The following XXYLT1 variants were observed in gnomAD, a reference collection of about 807,000 sequenced individuals.
XXYLT1 encodes UDP-xylose:alpha-xyloside alpha-1,3-xylosyltransferase.
A neutral mutation model predicts 28.9 loss-of-function variants in XXYLT1; 20 were observed. The ratio of observed to expected loss-of-function variants is 0.69; its 90% CI spans 0.49 to 1.00. The LOEUF is 1.00. Ranked by LOEUF, XXYLT1 falls within the 50% of genes least tolerant of loss-of-function variation. The pLI is 0.00. For missense variants in XXYLT1, 542 were observed against 560.1 expected, an observed-to-expected ratio of 0.97 and a Z score of 0.33; for synonymous variants, 257 against 253.8, an observed-to-expected ratio of 1.01 and a Z score of -0.12.
intron 1 of XXYLT1, among the ~76,000 whole-genome samples, chr3:195,243,829 T>C (rs541751267): frequency 5.3e-5 from 8 of 152,344 alleles, no homozygotes; most frequent in Admixed American, 2.0e-4. Context: ...CCCTCCCTCA[T>C]GTGACGATTA....
chr3:195,155,669 C>A (rs34207090), intron 3 of XXYLT1, among the ~76,000 whole-genome samples: 2 of 151,282 alleles, frequency 1.3e-5, no homozygotes, highest in African/African-American at 4.9e-5. Context: ...CCCCCACCGC[C>A]TGCCACGCCG....
intron 2 of XXYLT1, among the ~76,000 whole-genome samples, chr3:195,159,426 G>A (rs1247272987): frequency 6.6e-6 from 1 of 152,104 alleles, no homozygotes. Context: ...GTGTTTATTA[G>A]CCCCGTCACC....
intron 3 of XXYLT1, among the ~76,000 whole-genome samples, chr3:195,079,586 A>G (rs1715312835): frequency 6.6e-6 from 1 of 152,140 alleles, no homozygotes; most frequent in African/African-American, 2.4e-5. Flanking sequence ...CATGTTCTAG[A>G]TGAGGAAGCT....
At chr3:195,091,471 TCAA>T (rs1405949666) in intron 3 of XXYLT1, among the ~76,000 whole-genome samples, 1 of 88,538 alleles carries the variant, frequency 1.1e-5, no homozygotes, top group Non-Finnish European at 2.0e-5. Flanking sequence ...TTGACAAAAT[TCAA>T]CAACCCTTCA....
intron 3 of XXYLT1, among the ~76,000 whole-genome samples, chr3:195,153,427 C>T (rs1446160675): frequency 6.6e-6 from 1 of 152,126 alleles, no homozygotes; most frequent in Non-Finnish European, 1.5e-5. Context: ...TATTAAAGGT[C>T]TCTGGAAACA....
intron 3 of XXYLT1, among the ~76,000 whole-genome samples, chr3:195,151,881 G>A (rs1048819130): frequency 6.6e-6 from 1 of 151,678 alleles, no homozygotes; most frequent in Non-Finnish European, 1.5e-5. Context: ...TGAAGATTAA[G>A]GGAGGGAGGG....
At chr3:195,178,793 A>G (rs916318432) in intron 2 of XXYLT1, among the ~76,000 whole-genome samples, 1 of 152,254 alleles carries the variant, frequency 6.6e-6, no homozygotes, top group Non-Finnish European at 1.5e-5. Context: ...CACATGGGGA[A>G]GCCGGGACTG....
At chr3:195,113,489 G>C (rs1185346676) in intron 3 of XXYLT1, among the ~76,000 whole-genome samples, 1 of 152,196 alleles carries the variant, frequency 6.6e-6, no homozygotes, top group Admixed American at 6.5e-5. Flanking sequence ...GAGGCACAAA[G>C]CGGTTTACTG....
chr3:195,208,502 G>A (rs1384609275), intron 2 of XXYLT1, among the ~76,000 whole-genome samples: 5 of 152,058 alleles, frequency 3.3e-5, no homozygotes, highest in African/African-American at 7.2e-5. Flanking sequence ...AATGAACAAC[G>A]TATGACCTGC....
At chr3:195,259,129 GC>G (rs1188785355) in intron 1 of XXYLT1, among the ~76,000 whole-genome samples, 1 of 152,238 alleles carries the variant, frequency 6.6e-6, no homozygotes, top group Non-Finnish European at 1.5e-5. Flanking sequence ...CTATCCCCAG[GC>G]CTGCCTGAGC....
Position 195,233,004 on chromosome 3 carries a change from G to A in XXYLT1, c.505-6148C>T, listed in dbSNP as rs184502068. Among the ~76,000 whole-genome samples the A allele has an allele frequency of 8.5e-5, 13 of 152,206 alleles. No individual in the cohort carries two copies. In the East Asian group the frequency reaches 2.1e-3, roughly 25 times the overall value. On this transcript the variant is annotated intron_variant, in intron 1 of 3. Transcript: ENST00000310380. Reference sequence around the variant, plus strand: ...TGAGGTCTCCAGCTATCATTGTATTGGGGTCTATCTCCATCTTTCACTCTG... The same window carrying A: ...TGAGGTCTCCAGCTATCATTGTATTAGGGTCTATCTCCATCTTTCACTCTG...
At chr3:195,251,310 A>G (rs1725243142) in intron 1 of XXYLT1, among the ~76,000 whole-genome samples, 1 of 152,254 alleles carries the variant, frequency 6.6e-6, no homozygotes, top group Admixed American at 6.5e-5. Flanking sequence ...CGGTCACCCA[A>G]ATCACTCATG....
At position 195,150,562 on chromosome 3, in the gene XXYLT1, C is replaced by T. The variant is rs996645549; in HGVS notation, c.785+5887G>A. Among the ~76,000 whole-genome samples the T allele has an allele frequency of 1.1e-4, 17 of 152,274 alleles. No individual in the cohort carries two copies. Among genetic ancestry groups the T allele is most frequent in the Middle Eastern group, 3.4e-3 (1 of 294 alleles). Reference sequence around the variant, plus strand: ...AATACTTAACACAAAAGCGAATTCCCGCCTGGTGGCATGTTATCAGCAGCT... The same window carrying T: ...AATACTTAACACAAAAGCGAATTCCTGCCTGGTGGCATGTTATCAGCAGCT... On this transcript the variant is annotated intron_variant, in intron 3 of 3. Coordinates refer to ENST00000310380, the MANE Select transcript of XXYLT1 (RefSeq NM_152531.5). The surrounding 1 kb of genome is among the most constrained non-coding windows in gnomAD (Gnocchi z 4.7).
chr3:195,188,711 ATATCTGTCCACTGGGTGG>A lies in XXYLT1; in HGVS notation c.653-32148_653-32131del, dbSNP rs1231521443. 3.3e-5 allele frequency among the ~76,000 whole-genome samples: 5 copies of A among 152,334 alleles called. No individual in the cohort carries two copies. In the East Asian group the frequency reaches 9.7e-4, roughly 29 times the overall value. ...TCCTGCATCATAACTGCTAGCTCCC[ATATCTGTCCACTGGGTGG>A]TATCTCAGAATCAGAGACTCTCAAG... On this transcript the variant is annotated intron_variant, in intron 2 of 3. Transcript: ENST00000310380.
chr3:195,214,426 C>A (rs1260719277), intron 2 of XXYLT1, among the ~76,000 whole-genome samples: 2 of 152,086 alleles, frequency 1.3e-5, no homozygotes, highest in Non-Finnish European at 2.9e-5. Flanking sequence ...CCACCCATGT[C>A]CATCCTAAAC....
intron 3 of XXYLT1, among the ~76,000 whole-genome samples, chr3:195,106,556 T>C (rs902553806): frequency 6.6e-6 from 1 of 152,152 alleles, no homozygotes; most frequent in Non-Finnish European, 1.5e-5. Flanking sequence ...CCTGAGTTCT[T>C]AGACCCGCGT....
chr3:195,179,309 C>T (rs1721828407), intron 2 of XXYLT1, among the ~76,000 whole-genome samples: 2 of 148,466 alleles, frequency 1.3e-5, no homozygotes, highest in South Asian at 4.2e-4. Context: ...CACTGCACTC[C>T]AGCCTGGGCG....
At position 195,176,908 on chromosome 3, in the gene XXYLT1, C is replaced by G. The variant is rs1411834148; in HGVS notation, c.653-20327G>C. On this transcript the variant is annotated intron_variant, in intron 2 of 3. Coordinates refer to ENST00000310380, the MANE Select transcript of XXYLT1 (RefSeq NM_152531.5). The surrounding 1 kb of genome is among the most constrained non-coding windows in gnomAD (Gnocchi z 4.9). ...CCGACTCCTTGGAACCAGCAAGAAA[C>G]TCTCAAGCCCCCGCCTAGGGACTAA... is the stretch of plus-strand genomic sequence containing the variant. 6.6e-6 allele frequency among the ~76,000 whole-genome samples: 1 copy of G among 152,236 alleles called. No homozygotes were observed. The highest frequency in any genetic ancestry group is 1.5e-5 in the Non-Finnish European group (1 of 68,046).
chr3:195,189,392 G>A (rs1258313541), intron 2 of XXYLT1, among the ~76,000 whole-genome samples: 1 of 152,044 alleles, frequency 6.6e-6, no homozygotes, highest in Non-Finnish European at 1.5e-5. Context: ...AGAAATCAGA[G>A]TTTGATATAA....
Sources: allele counts gnomAD v4.1 joint callset (sites outside exome capture counted in the v4.1 genomes callset), GRCh38; gene constraint gnomAD v4.1.1; non-coding constraint Gnocchi (gnomAD v3.1); transcripts MANE v1.5; gene names NCBI Gene and HGNC (gene_info 2026-07-23, HGNC 2026-07-21).